Variants in CRPPA observed in about 807,000 individuals in gnomAD.
CRPPA encodes the protein D-ribitol-5-phosphate cytidylyltransferase.
CRPPA carries 43 observed loss-of-function variants against 52.0 expected under a neutral mutation model. The observed-to-expected ratio is 0.83, with a 90% CI of 0.65 to 1.07. CRPPA has a LOEUF of 1.07. Ranked by LOEUF, CRPPA falls within the 50% of genes least tolerant of loss-of-function variation. The pLI is 0.00. For missense variants in CRPPA, 629 were observed against 551.7 expected (o/e 1.14, Z -1.40); for synonymous variants, 250 against 203.5 (o/e 1.23, Z -1.94).
intron 9 of CRPPA, among the ~76,000 whole-genome samples, chr7:16,182,752 A>G (rs528576118): frequency 6.6e-6 from 1 of 152,286 alleles, no homozygotes; most frequent in African/African-American, 2.4e-5. Flanking sequence ...ATCAGTTAGA[A>G]TCCACCCAAA....
intron 3 of CRPPA, among the ~76,000 whole-genome samples, chr7:16,360,185 T>C (rs1484293556): frequency 6.6e-6 from 1 of 152,244 alleles, no homozygotes; most frequent in Admixed American, 6.5e-5. Flanking sequence ...TCTCTAAGGA[T>C]TCTACAGTAA....
intron 2 of CRPPA, among the ~76,000 whole-genome samples, chr7:16,378,188 C>T (rs2128312463): frequency 6.6e-6 from 1 of 151,590 alleles, no homozygotes; most frequent in Non-Finnish European, 1.5e-5. Flanking sequence ...TATACATGTG[C>T]CATGCTGGTG....
At chr7:16,144,591 C>T (rs1228006248) in intron 9 of CRPPA, among the ~76,000 whole-genome samples, 3 of 152,334 alleles carry the variant, frequency 2.0e-5, no homozygotes, top group Admixed American at 6.5e-5. Context: ...ATCTAAATAG[C>T]TTGTTTACTC....
intron 8 of CRPPA, among the ~76,000 whole-genome samples, chr7:16,231,037 T>G (rs2128402930): frequency 6.6e-6 from 1 of 152,292 alleles, no homozygotes; most frequent in South Asian, 2.1e-4. Context: ...AGTTACTGGC[T>G]TGAAATACAA....
chr7:16,278,033 AG>A (rs1784245269), intron 6 of CRPPA, 95 bp downstream of exon 6: 2 of 695,530 alleles, frequency 2.9e-6, no homozygotes, highest in Non-Finnish European at 5.0e-6. Flanking sequence ...ATTATGATTA[AG>A]GGATTTTTAT....
At chr7:16,335,461 G>C (rs1785658638) in intron 3 of CRPPA, among the ~76,000 whole-genome samples, 1 of 152,104 alleles carries the variant, frequency 6.6e-6, no homozygotes, top group African/African-American at 2.4e-5. Context: ...CAAAGAAATA[G>C]AAACAAAATC....
chr7:16,291,269 T>C (rs965192895), intron 5 of CRPPA, among the ~76,000 whole-genome samples: 2 of 151,846 alleles, frequency 1.3e-5, no homozygotes, highest in African/African-American at 4.8e-5. Context: ...ACTCAGCATA[T>C]CAAAGGAATA....
intron 2 of CRPPA, among the ~76,000 whole-genome samples, chr7:16,389,742 G>C (rs1787386136): frequency 6.6e-6 from 1 of 151,292 alleles, no homozygotes; most frequent in Non-Finnish European, 1.5e-5. Context: ...TGTAATGGGA[G>C]TCCTAGCTAG....
At position 16,159,938 on chromosome 7, in the gene CRPPA, G is replaced by C. The variant is rs1187349773; in HGVS notation, c.1251+56128C>G. Among the ~76,000 whole-genome samples, 4 of 152,176 alleles carry C rather than the reference G, an allele frequency of 2.6e-5. 1 individual carries two copies. The highest frequency in any genetic ancestry group is 9.7e-5 in the African/African-American group (4 of 41,436). On this transcript the variant is annotated intron_variant, in intron 9 of 9. Transcript: ENST00000407010. ...TTGATTTGCATTTCTATAGTGACCAGTGATGATGAGCACGTTTGTTGGCTG... is the reference window on the plus strand; with the variant it reads ...TTGATTTGCATTTCTATAGTGACCACTGATGATGAGCACGTTTGTTGGCTG...
rs545663821 is a variant in CRPPA, at chr7:16,303,477, T to TAAAAAAAAA, written c.790-2020_790-2012dup. On this transcript the variant is annotated intron_variant, in intron 4 of 9. Coordinates refer to ENST00000407010, the MANE Select transcript of CRPPA (RefSeq NM_001101426.4). ...GTTTCTGTGTTGAGACATAAAATAG[T>TAAAAAAAAA]AAAAAAAAAAAAAAAAAAAAAAAAA... Among the ~76,000 whole-genome samples, 51 of 44,948 alleles carry TAAAAAAAAA rather than the reference T, an allele frequency of 1.1e-3. 4 individuals are homozygous for TAAAAAAAAA. The highest frequency in any genetic ancestry group is 2.7e-3 in the Admixed American group (8 of 2,928). The allele number at this position is 44,948 out of a possible 152,430, so 29.5% of individuals were successfully genotyped here. A position where few individuals can be genotyped will look rare whatever the true frequency, so the allele number is the denominator to read the frequency against.
chr7:16,415,230 GTCAATTCAC>G (rs1788166427), intron 1 of CRPPA, among the ~76,000 whole-genome samples: 1 of 152,172 alleles, frequency 6.6e-6, no homozygotes. Context: ...TGAAGTTCCA[GTCAATTCAC>G]AAAATGGATT....
intron 2 of CRPPA, among the ~76,000 whole-genome samples, chr7:16,395,871 T>G (rs567737105): frequency 6.6e-5 from 10 of 152,220 alleles, no homozygotes; most frequent in Non-Finnish European, 1.3e-4. Context: ...AACGGAAACA[T>G]AGAAGTGGGT....
At chr7:16,176,124 T>C (rs1256563076) in intron 9 of CRPPA, among the ~76,000 whole-genome samples, 1 of 152,162 alleles carries the variant, frequency 6.6e-6, no homozygotes, top group African/African-American at 2.4e-5. Flanking sequence ...CCATCTTCTC[T>C]ACAAACAACC....
At chr7:16,115,165 C>G (rs1406122986) in intron 9 of CRPPA, among the ~76,000 whole-genome samples, 1 of 151,940 alleles carries the variant, frequency 6.6e-6, no homozygotes, top group Non-Finnish European at 1.5e-5. Context: ...AAGAGGGTGG[C>G]CCTAACTAAA....
chr7:16,228,203 G>C (rs1341438828), intron 8 of CRPPA, among the ~76,000 whole-genome samples: 1 of 151,714 alleles, frequency 6.6e-6, no homozygotes, highest in African/African-American at 2.4e-5. Context: ...CCTCAACACG[G>C]TTTTGACTAT....
chr7:16,346,758 G>A (rs982912056), intron 3 of CRPPA, among the ~76,000 whole-genome samples: 3 of 152,014 alleles, frequency 2.0e-5, no homozygotes, highest in Admixed American at 1.3e-4. Flanking sequence ...GTGGCAGTGT[G>A]CACATTCCAT....
At chr7:16,162,198 T>C (rs1326034207) in intron 9 of CRPPA, among the ~76,000 whole-genome samples, 1 of 152,190 alleles carries the variant, frequency 6.6e-6, no homozygotes, top group East Asian at 1.9e-4. Context: ...CTGATCTTAG[T>C]CATTTCTTTT....
At chr7:16,399,145 C>A (rs1038811952) in intron 2 of CRPPA, among the ~76,000 whole-genome samples, 3 of 152,148 alleles carry the variant, frequency 2.0e-5, no homozygotes, top group Admixed American at 6.5e-5. Flanking sequence ...AATGTGTGAC[C>A]AAAGCATGAT....
chr7:16,211,591 T>C (rs1454916078), intron 9 of CRPPA, among the ~76,000 whole-genome samples: 1 of 152,128 alleles, frequency 6.6e-6, no homozygotes, highest in Non-Finnish European at 1.5e-5. Flanking sequence ...AAAAAAACAG[T>C]GTTCTGCTAA....
Sources: gnomAD v4.1 joint callset for allele counts (sites outside exome capture counted in the v4.1 genomes callset) on GRCh38, gnomAD v4.1.1 for gene constraint, MANE v1.5 for transcripts, NCBI Gene and HGNC (gene_info 2026-07-23, HGNC 2026-07-21) for gene names.